PODXL: variants seen among roughly 807,000 people sequenced by gnomAD.
PODXL encodes the protein podocalyxin.
A neutral mutation model predicts 48.9 loss-of-function variants in PODXL; 20 were observed. That is an observed-to-expected ratio of 0.41 (90% CI 0.29 to 0.59). The LOEUF (loss-of-function observed/expected upper bound fraction) is 0.59, where lower values mean the gene tolerates loss of function less well. Among genes scored for constraint, PODXL ranks in the 20% least tolerant of loss-of-function variants. The pLI is 0.31. For synonymous variants in PODXL, 295 were observed against 287.4 expected (o/e 1.03, Z -0.27); for missense variants, 606 against 675.1 (o/e 0.90, Z 1.13).
rs1190783113 is a variant in PODXL, at chr7:131,506,743, G to A, written c.1102-17C>T. On this transcript the variant is annotated splice_polypyrimidine_tract_variant and intron_variant, in intron 5 of 8. Coordinates refer to ENST00000378555, the MANE Select transcript of PODXL (RefSeq NM_001018111.3). ...GCCCCCTGCCTATGGTGGGGAGAGC[G>A]CAGGTGACTCCGCGGGGAGCGTGAC... 1.4e-5 allele frequency: 22 copies of A among 1,613,614 alleles called. No homozygotes were observed. The highest frequency in any genetic ancestry group is 3.3e-4 in the Middle Eastern group (2 of 6,072).
rs151031151 is a variant in PODXL at position 131,530,355 on chromosome 7, G to A, written c.101-18922C>T. ...ACCAAGGTATCAGGTGCCCTCTCTCGCCCCTGCATGCAGCCCCCTCACTCC... is the reference window on the plus strand; with the variant it reads ...ACCAAGGTATCAGGTGCCCTCTCTCACCCCTGCATGCAGCCCCCTCACTCC... On this transcript the variant is annotated intron_variant, in intron 1 of 8. Transcript: ENST00000378555. Among the ~76,000 whole-genome samples, 360 of 152,050 alleles carry A rather than the reference G, an allele frequency of 2.4e-3. 1 individual carries two copies. Among genetic ancestry groups the A allele is most frequent in the African/African-American group, 8.4e-3 (349 of 41,462 alleles).
intron 1 of PODXL, among the ~76,000 whole-genome samples, chr7:131,538,508 C>T (rs370057434): frequency 6.6e-6 from 1 of 152,132 alleles, no homozygotes; most frequent in Non-Finnish European, 1.5e-5. Context: ...GGAACCCCAC[C>T]CCTACCCCCT....
intron 1 of PODXL, among the ~76,000 whole-genome samples, chr7:131,555,550 C>G (rs1798728262): frequency 6.6e-6 from 1 of 152,092 alleles, no homozygotes; most frequent in South Asian, 2.1e-4. Context: ...TGAACAAGTT[C>G]CCGTTTGAAC....
In PODXL at chr7:131,545,915, T is replaced by C. The variant is rs1242289118; in HGVS notation, c.100+10345A>G. ...TATAAAAGTAAAATAAAAAACCTCA[T>C]ATGGTGCTAGCCCAGACTTACCATG... On this transcript the variant is annotated intron_variant, in intron 1 of 8. Transcript: ENST00000378555. Among the ~76,000 whole-genome samples the C allele has an allele frequency of 3.9e-5, 6 of 152,262 alleles. 1 individual carries two copies. The highest frequency in any genetic ancestry group is 1.3e-4 in the Admixed American group (2 of 15,282).
At chr7:131,553,090 G>A (rs939544692) in intron 1 of PODXL, among the ~76,000 whole-genome samples, 1 of 151,962 alleles carries the variant, frequency 6.6e-6, no homozygotes, top group Admixed American at 6.6e-5. Context: ...CCCTGCCACC[G>A]TGGAATTTTC....
At chr7:131,522,305 A>G (rs1798104510) in intron 1 of PODXL, among the ~76,000 whole-genome samples, 1 of 152,160 alleles carries the variant, frequency 6.6e-6, no homozygotes, top group Non-Finnish European at 1.5e-5. Flanking sequence ...ACAAAAAATT[A>G]GCCAGGCTTG....
At chr7:131,539,118 C>T (rs1385600844) in intron 1 of PODXL, among the ~76,000 whole-genome samples, 2 of 152,164 alleles carry the variant, frequency 1.3e-5, no homozygotes, top group East Asian at 1.9e-4. Context: ...GGACAGCACC[C>T]GGGGGAGGTG....
At chr7:131,552,405 C>T (rs758099140) in intron 1 of PODXL, among the ~76,000 whole-genome samples, 13 of 152,198 alleles carry the variant, frequency 8.5e-5, no homozygotes, top group Non-Finnish European at 1.5e-4. Flanking sequence ...GGAATTCTAA[C>T]CACAGGGAGT....
At chr7:131,528,463 T>A (rs1798222545) in intron 1 of PODXL, among the ~76,000 whole-genome samples, 1 of 152,172 alleles carries the variant, frequency 6.6e-6, no homozygotes. Flanking sequence ...ACAGAGGTTG[T>A]GAAAACACCA....
chr7:131,541,370 TG>T (rs1027054467), intron 1 of PODXL, among the ~76,000 whole-genome samples: 1 of 125,548 alleles, frequency 8.0e-6, no homozygotes, highest in African/African-American at 3.1e-5. Flanking sequence ...GGGGGTGACT[TG>T]GGGGTGGGAA....
chr7:131,503,401 A>G lies in PODXL; in HGVS notation c.*910T>C, dbSNP rs1196381075. The G allele has an allele frequency of 6.6e-6, 1 of 152,236 alleles. No individual in the cohort carries two copies. The highest frequency in any genetic ancestry group is 1.5e-5 in the Non-Finnish European group (1 of 68,108). The allele number at this position is 152,236 out of a possible 1,614,324, so 9.4% of individuals were successfully genotyped here. On this transcript the variant is annotated 3_prime_UTR_variant, in exon 9 of 9. Coordinates refer to ENST00000378555, the MANE Select transcript of PODXL (RefSeq NM_001018111.3). ...CCCTGGTGGAAATGGAAGCCCAAAGAAGATCGTGGGTGGCCTCTGCAAGGA... is the reference window on the plus strand; with the variant it reads ...CCCTGGTGGAAATGGAAGCCCAAAGGAGATCGTGGGTGGCCTCTGCAAGGA...
intron 1 of PODXL, among the ~76,000 whole-genome samples, chr7:131,552,421 C>T (rs1042686879): frequency 2.6e-5 from 4 of 152,312 alleles, no homozygotes; most frequent in South Asian, 4.1e-4. Context: ...GGAGTCTAGT[C>T]CCCTTCCCCT....
intron 1 of PODXL, among the ~76,000 whole-genome samples, chr7:131,536,711 T>C (rs1798379715): frequency 6.6e-6 from 1 of 152,220 alleles, no homozygotes; most frequent in African/African-American, 2.4e-5. Flanking sequence ...GTTTTCATCC[T>C]TCAGTGCCGC....
intron 1 of PODXL, among the ~76,000 whole-genome samples, chr7:131,518,707 G>A (rs1325730764): frequency 6.6e-6 from 1 of 152,146 alleles, no homozygotes; most frequent in African/African-American, 2.4e-5. Context: ...ATGGTCTGTG[G>A]GGTAATTGTG....
At chr7:131,542,984 G>A (rs368177397) in intron 1 of PODXL, among the ~76,000 whole-genome samples, 2 of 152,182 alleles carry the variant, frequency 1.3e-5, no homozygotes, top group Admixed American at 6.5e-5. Context: ...CGGGCTGGAC[G>A]CAGGGGCCAG....
Position 131,556,417 on chromosome 7 carries a change from C to A in PODXL, c.-58G>T. ...CTGCGGTGCCGGCGGAGGATCCGCG[C>A]GTCCGGGCGGTAGGAGCGTGGGCGC... On this transcript the variant is annotated 5_prime_UTR_variant, in exon 1 of 9. Coordinates refer to ENST00000378555, the MANE Select transcript of PODXL (RefSeq NM_001018111.3). 7.5e-7 allele frequency: 1 copy of A among 1,325,032 alleles called. No individual in the cohort carries two copies. Among genetic ancestry groups the A allele is most frequent in the Non-Finnish European group, 9.6e-7 (1 of 1,039,022 alleles). 82.1% of individuals were successfully genotyped at this position (1,325,032 alleles called of 1,614,324 possible).
Position 131,556,507 on chromosome 7 carries a change from T to C in PODXL, c.-148A>G. On this transcript the variant is annotated 5_prime_UTR_variant, in exon 1 of 9. Transcript: ENST00000378555. ...GTGGCCCGGGGCTCCCGAGTCGCGC[T>C]GCGGCGGCTCTTCCTCCCTGCCGCT... 1 of 977,106 alleles carries C rather than the reference T, an allele frequency of 1.0e-6. No homozygotes were observed. Among genetic ancestry groups the C allele is most frequent in the Non-Finnish European group, 1.3e-6 (1 of 754,244 alleles). 60.5% of individuals were successfully genotyped at this position (977,106 alleles called of 1,614,324 possible). A position where few individuals can be genotyped will look rare whatever the true frequency, so the allele number is the denominator to read the frequency against.
chr7:131,551,807 G>T (rs920037894), intron 1 of PODXL, among the ~76,000 whole-genome samples: 1 of 152,070 alleles, frequency 6.6e-6, no homozygotes, highest in African/African-American at 2.4e-5. Flanking sequence ...CGTGGAGGTG[G>T]GCGCCTGTAG....
chr7:131,542,288 G>A (rs1270450272), intron 1 of PODXL, among the ~76,000 whole-genome samples: 1 of 152,204 alleles, frequency 6.6e-6, no homozygotes, highest in African/African-American at 2.4e-5. Flanking sequence ...CAAGGTGGGT[G>A]CAGAGGCCCA....
Sources: allele counts gnomAD v4.1 joint callset (sites outside exome capture counted in the v4.1 genomes callset), GRCh38; gene constraint gnomAD v4.1.1; transcripts MANE v1.5; gene names NCBI Gene and HGNC (gene_info 2026-07-23, HGNC 2026-07-21).